The following UCN3 variants were observed in gnomAD, a reference collection of about 807,000 sequenced individuals.
The protein encoded by UCN3 is urocortin 3, also known as urocortin-3.
A neutral mutation model predicts 3.6 loss-of-function variants in UCN3; 3 were observed. The ratio of observed to expected loss-of-function variants is 0.83; its 90% CI spans 0.38 to 2.15. The LOEUF (loss-of-function observed/expected upper bound fraction) is 2.15. Ranked by LOEUF, UCN3 falls within the 30% of genes most tolerant of loss-of-function variation. The probability of loss-of-function intolerance (pLI) is 0.06; values close to 1 mark genes in which losing one functional copy is unlikely to be tolerated. For missense variants in UCN3, 206 were observed against 208.3 expected, an observed-to-expected ratio of 0.99 and a Z score of 0.07; for synonymous variants, 100 against 93.2, an observed-to-expected ratio of 1.07 and a Z score of -0.42.
chr10:5,365,047 G>A lies in UCN3; in HGVS notation c.-190G>A, dbSNP rs1185937369. 2 of 152,192 alleles carry A rather than the reference G, an allele frequency of 1.3e-5. No homozygotes were observed. The highest frequency in any genetic ancestry group is 3.9e-4 in the East Asian group (2 of 5,178). The allele number at this position is 152,192 out of a possible 1,614,324, so 9.4% of individuals were successfully genotyped here. On this transcript the variant is annotated 5_prime_UTR_variant, in exon 1 of 2. Coordinates refer to ENST00000380433, the MANE Select transcript of UCN3 (RefSeq NM_053049.4). The surrounding 1 kb of genome is among the most constrained non-coding windows in gnomAD (Gnocchi z 4.4). The stretch of plus-strand genomic sequence containing the variant: ...ATCTGTCACTTTTATATACACACAG[G>A]GGAGGGGACCGTTTCCATAGAGAGG...
At chr10:5,371,574 T>C (rs1365538259) in intron 1 of UCN3, among the ~76,000 whole-genome samples, 3 of 152,100 alleles carry the variant, frequency 2.0e-5, no homozygotes, top group African/African-American at 7.2e-5. Context: ...GGCTGTCTGG[T>C]TGGGCTTGGG....
At chr10:5,373,657 C>G in intron 1 of UCN3, 58 bp from the exon 2 acceptor site, 1 of 1,560,796 alleles carries the variant, frequency 6.4e-7, no homozygotes, top group South Asian at 1.2e-5. Flanking sequence ...TAATCCAGGT[C>G]CTCCAGAGCA....
intron 1 of UCN3, among the ~76,000 whole-genome samples, chr10:5,371,165 ATGTG>A (rs780666289): frequency 2.7e-5 from 4 of 149,338 alleles, no homozygotes; most frequent in Admixed American, 2.0e-4. Context: ...ATGTGTGTGC[ATGTG>A]TATGTATGTG....
intron 1 of UCN3, among the ~76,000 whole-genome samples, chr10:5,371,248 ATG>A (rs1208892275): frequency 1.4e-5 from 2 of 146,842 alleles, no homozygotes; most frequent in Non-Finnish European, 3.0e-5. Context: ...GTCTATATGT[ATG>A]TGTGAGGTGT....
chr10:5,370,641 GTA>G (rs782400657), intron 1 of UCN3, among the ~76,000 whole-genome samples: 5,643 of 85,592 alleles, frequency 0.066, 946 homozygotes, highest in Admixed American at 0.087. Context: ...GTATGTGTGT[GTA>G]TATGTGTGTG....
Position 5,374,082 on chromosome 10 carries a change from C to A in UCN3, c.362C>A (p.Thr121Asn). The change falls in exon 2 of 2, where the codon ACC becomes AAC. Residue 121 changes from threonine (T) to asparagine (N), a missense_variant. By Grantham distance (65) the Thr-to-Asn change is moderately conservative. Coordinates refer to ENST00000380433, the MANE Select transcript of UCN3 (RefSeq NM_053049.4). ...TAKSPHRTKF[T>N]LSLDVPTNIM... Reference sequence around the variant, plus strand: ...AAGAGTCCCCACCGCACCAAGTTCACCCTGTCCCTCGACGTCCCCACCAAC... The same window carrying A: ...AAGAGTCCCCACCGCACCAAGTTCAACCTGTCCCTCGACGTCCCCACCAAC... 1 of 1,613,776 alleles carries A rather than the reference C, an allele frequency of 6.2e-7. No individual in the cohort carries two copies. The highest frequency in any genetic ancestry group is 8.5e-7 in the Non-Finnish European group (1 of 1,179,924).
At chr10:5,370,326 TATGC>T (rs1409736388) in intron 1 of UCN3, among the ~76,000 whole-genome samples, 1 of 87,740 alleles carries the variant, frequency 1.1e-5, no homozygotes. Context: ...TGTGTGTGTA[TATGC>T]GTGTGTATAT....
intron 1 of UCN3, among the ~76,000 whole-genome samples, chr10:5,369,917 G>GTGCGTGTATA (rs1831321221): frequency 8.0e-6 from 1 of 125,724 alleles, no homozygotes; most frequent in Non-Finnish European, 1.6e-5. Flanking sequence ...GTGTGTATAT[G>GTGCGTGTATA]TGTGTGTATG....
At position 5,369,933 on chromosome 10, in the gene UCN3, G is replaced by GTATA. The variant is rs1831323301; in HGVS notation, c.-6-3781_-6-3780insATAT. 1.0e-4 allele frequency among the ~76,000 whole-genome samples: 14 copies of GTATA among 140,682 alleles called. 3 individuals carry two copies. Among genetic ancestry groups the GTATA allele is most frequent in the African/African-American group, 3.7e-4 (12 of 32,308 alleles). 92.3% of individuals were successfully genotyped at this position (140,682 alleles called of 152,430 possible). On this transcript the variant is annotated intron_variant, in intron 1 of 1. Coordinates refer to ENST00000380433, the MANE Select transcript of UCN3 (RefSeq NM_053049.4). ...TGTGTATATGTGTGTGTATGTGTGTGTGTGTATGTGTGTGTATATGTGTGT... is the reference window on the plus strand; with the variant it reads ...TGTGTATATGTGTGTGTATGTGTGTGTATATGTGTATGTGTGTGTATATGTGTGT...
Position 5,374,107 on chromosome 10 carries a change from C to T in UCN3, c.387C>T (p.Asn129=). ...KFTLSLDVPT[N]IMNLLFNIAK... is the part of the protein sequence containing the mutation. ...CCCTGTCCCTCGACGTCCCCACCAA[C>T]ATCATGAACCTCCTCTTCAACATCG... is the stretch of plus-strand genomic sequence containing the variant. Residue 129 remains asparagine (N), a synonymous_variant, in exon 2 of 2, where the codon AAC becomes AAT. Coordinates refer to ENST00000380433, the MANE Select transcript of UCN3 (RefSeq NM_053049.4). The T allele has an allele frequency of 1.2e-6, 2 of 1,613,746 alleles. No individual in the cohort carries two copies. The highest frequency in any genetic ancestry group is 2.2e-5 in the East Asian group (1 of 44,854).
chr10:5,372,312 C>T (rs1005983455), intron 1 of UCN3, among the ~76,000 whole-genome samples: 16 of 152,280 alleles, frequency 1.1e-4, no homozygotes, highest in African/African-American at 3.6e-4. Context: ...TGAACTCTGA[C>T]GGCCTCTGGC....
chr10:5,370,178 TGC>T (rs1418249531), intron 1 of UCN3, among the ~76,000 whole-genome samples: 4 of 99,384 alleles, frequency 4.0e-5, no homozygotes, highest in Non-Finnish European at 7.6e-5. Flanking sequence ...TGTGTGTATA[TGC>T]GTGTGTATAT....
rs1040538290 is a variant in UCN3, at chr10:5,367,417, T to C, written c.-7+2187T>C. On this transcript the variant is annotated intron_variant, in intron 1 of 1. Transcript: ENST00000380433. This position sits in a 1 kb window ranked among gnomAD's most constrained non-coding sequence, Gnocchi z 4.3. ...ATGAAAGAATTTAAAAGAGGTTGTTTTGCTTTGGAAAATAAATTGATTTAA... is the reference window on the plus strand; with the variant it reads ...ATGAAAGAATTTAAAAGAGGTTGTTCTGCTTTGGAAAATAAATTGATTTAA... Among the ~76,000 whole-genome samples, 7 of 152,246 alleles carry C rather than the reference T, an allele frequency of 4.6e-5. No individual in the cohort carries two copies. Among genetic ancestry groups the C allele is most frequent in the African/African-American group, 7.2e-5 (3 of 41,460 alleles).
At position 5,373,733 on chromosome 10, in the gene UCN3, G is replaced by T. The variant is rs1554811752; in HGVS notation, c.13G>T (p.Val5Phe). The T allele has an allele frequency of 6.2e-7, 1 of 1,613,530 alleles. No individual in the cohort carries two copies. The highest frequency in any genetic ancestry group is 1.1e-5 in the South Asian group (1 of 91,044). Residue 5 changes from valine (V) to phenylalanine (F), a missense_variant, in exon 2 of 2, where the codon GTC (valine) becomes TTC (phenylalanine). By Grantham distance (50) the Val-to-Phe change is conservative. Transcript: ENST00000380433. ...GCTGCAGGGAGAGATGCTGATGCCG[G>T]TCCACTTCCTGCTGCTCCTGCTGCT... MLMP[V>F]HFLLLLLLLL...
intron 1 of UCN3, among the ~76,000 whole-genome samples, chr10:5,373,306 T>C (rs542026849): frequency 1.3e-5 from 2 of 152,334 alleles, no homozygotes; most frequent in African/African-American, 4.8e-5. Context: ...TAAAATTCAC[T>C]TACCATTAAA....
At chr10:5,371,447 GTGTC>G (rs1248995588) in intron 1 of UCN3, among the ~76,000 whole-genome samples, 1 of 152,130 alleles carries the variant, frequency 6.6e-6, no homozygotes, top group East Asian at 1.9e-4. Context: ...TCCTGTGTGT[GTGTC>G]TGTTTCCAGG....
In UCN3 at chr10:5,370,616, C is replaced by CGT. The variant is rs576799846; in HGVS notation, c.-6-3096_-6-3095dup. ...GTGTGTGTGTATGCGTGTGTATATG[C>CGT]GTGTATATGCGTGTGTATGTGTGTG... On this transcript the variant is annotated intron_variant, in intron 1 of 1. Coordinates refer to ENST00000380433, the MANE Select transcript of UCN3 (RefSeq NM_053049.4). Among the ~76,000 whole-genome samples, 94 of 21,380 alleles carry CGT rather than the reference C, an allele frequency of 4.4e-3. 8 individuals are homozygous for CGT. Among genetic ancestry groups the CGT allele is most frequent in the South Asian group, 0.018 (6 of 330 alleles). The allele number at this position is 21,380 out of a possible 152,430, so 14.0% of individuals were successfully genotyped here.
chr10:5,369,645 G>A (rs145075597), intron 1 of UCN3, among the ~76,000 whole-genome samples: 35 of 152,336 alleles, frequency 2.3e-4, no homozygotes, highest in African/African-American at 4.6e-4. Context: ...TATTTAAAGC[G>A]AGGATCATGT....
intron 1 of UCN3, among the ~76,000 whole-genome samples, chr10:5,370,881 A>G (rs797022781): frequency 0.033 from 2,625 of 80,152 alleles, 230 homozygotes; most frequent in East Asian, 0.13. Context: ...GTGTGTGTAT[A>G]TGCGTGTGTA....
Sources: gnomAD v4.1 joint callset for allele counts (sites outside exome capture counted in the v4.1 genomes callset) on GRCh38, gnomAD v4.1.1 for gene constraint, Gnocchi (gnomAD v3.1) non-coding constraint, MANE v1.5 for transcripts, NCBI Gene and HGNC (gene_info 2026-07-23, HGNC 2026-07-21) for gene names.